NTM: variants seen among roughly 807,000 people sequenced by gnomAD.
NTM encodes the protein IgLON family member 2.
Under a neutral mutation model 42.1 loss-of-function variants are expected in NTM, and 13 were observed. That is an observed-to-expected ratio of 0.31 (90% confidence interval 0.20 to 0.49). The LOEUF (loss-of-function observed/expected upper bound fraction) is 0.49. Among genes scored for constraint, NTM ranks in the 20% least tolerant of loss-of-function variants. NTM has a pLI of 0.99. For missense variants in NTM, 373 were observed against 452.8 expected (o/e 0.82, Z 1.60); for synonymous variants, 187 against 179.2 (o/e 1.04, Z -0.35).
chr11:131,619,595 A>G (rs1283350193), intron 1 of NTM, among the ~76,000 whole-genome samples: 2 of 152,214 alleles, frequency 1.3e-5, no homozygotes, highest in Non-Finnish European at 2.9e-5. Flanking sequence ...TTGGCAACAG[A>G]CAGAACACAC....
At chr11:132,042,411 A>G (rs1480630386) in intron 2 of NTM, among the ~76,000 whole-genome samples, 1 of 152,188 alleles carries the variant, frequency 6.6e-6, no homozygotes, top group Non-Finnish European at 1.5e-5. Context: ...CTGAAGAGGA[A>G]AAATTTGACC....
intron 1 of NTM, among the ~76,000 whole-genome samples, chr11:131,871,758 C>A (rs2047808971): frequency 6.6e-6 from 1 of 152,122 alleles, no homozygotes; most frequent in Non-Finnish European, 1.5e-5. Context: ...TGTAGGCCAC[C>A]CTGCCCTGGG....
At chr11:131,886,708 C>T (rs549072806) in intron 1 of NTM, among the ~76,000 whole-genome samples, 34 of 152,210 alleles carry the variant, frequency 2.2e-4, no homozygotes, top group Non-Finnish European at 2.9e-4. Context: ...CTTGAGGGAG[C>T]TTTCCTACAA....
chr11:132,203,877 C>A (rs574517256), intron 3 of NTM, among the ~76,000 whole-genome samples: 71 of 151,788 alleles, frequency 4.7e-4, no homozygotes, highest in African/African-American at 1.7e-3. Flanking sequence ...CCAGCCTGAG[C>A]AATAGAATGA....
At chr11:131,853,022 C>T (rs190317867) in intron 1 of NTM, among the ~76,000 whole-genome samples, 44 of 151,866 alleles carry the variant, frequency 2.9e-4, no homozygotes, top group Admixed American at 1.7e-3. Flanking sequence ...TTTATTCTCC[C>T]ACGCACCCAT....
At chr11:132,115,200 T>C (rs559341902) in intron 2 of NTM, among the ~76,000 whole-genome samples, 5 of 152,208 alleles carry the variant, frequency 3.3e-5, no homozygotes, top group African/African-American at 9.6e-5. Flanking sequence ...TTCAGTTACG[T>C]AGGGTAATTC....
chr11:131,551,316 A>G (rs1190568596), intron 1 of NTM, among the ~76,000 whole-genome samples: 1 of 152,194 alleles, frequency 6.6e-6, no homozygotes, highest in African/African-American at 2.4e-5. Context: ...CTTCTCAGGT[A>G]GCCAAGAGAA....
At chr11:131,492,320 T>C (rs767081452) in intron 1 of NTM, among the ~76,000 whole-genome samples, 35 of 139,270 alleles carry the variant, frequency 2.5e-4, no homozygotes, top group Non-Finnish European at 2.5e-4. Flanking sequence ...CAGCTATCAG[T>C]GGTGGTATTA....
intron 1 of NTM, among the ~76,000 whole-genome samples, chr11:131,811,984 A>T (rs1417996975): frequency 6.6e-6 from 1 of 152,184 alleles, no homozygotes; most frequent in Non-Finnish European, 1.5e-5. Context: ...GCTGGTATGA[A>T]ATTCAGTTGT....
At chr11:131,745,541 T>C (rs980286940) in intron 1 of NTM, among the ~76,000 whole-genome samples, 3 of 152,178 alleles carry the variant, frequency 2.0e-5, no homozygotes, top group Admixed American at 6.5e-5. Flanking sequence ...TTCCTTGGTT[T>C]CCGAATTACT....
chr11:131,523,200 T>A (rs1208476678), intron 1 of NTM, among the ~76,000 whole-genome samples: 1 of 152,168 alleles, frequency 6.6e-6, no homozygotes, highest in African/African-American at 2.4e-5. Context: ...TCTAGAAAGA[T>A]ATTTGTTGAA....
chr11:132,195,053 C>A lies in NTM; in HGVS notation c.401-16969C>A, dbSNP rs562454132. Among the ~76,000 whole-genome samples, 14 of 152,016 alleles carry A rather than the reference C, an allele frequency of 9.2e-5. No individual in the cohort carries two copies. The South Asian group carries it at 2.9e-3, about 32-fold the overall frequency. ...GGCCAGGTTGGTCTCGAACTCCTAA[C>A]CTCAAGTGATCTGTCTGCCTCGGCC... is the stretch of plus-strand genomic sequence containing the variant. On this transcript the variant is annotated intron_variant, in intron 3 of 8. Coordinates refer to ENST00000683400, the MANE Select transcript of NTM (RefSeq NM_001352005.2).
At chr11:131,658,832 A>G (rs2067566188) in intron 1 of NTM, among the ~76,000 whole-genome samples, 1 of 152,142 alleles carries the variant, frequency 6.6e-6, no homozygotes, top group Non-Finnish European at 1.5e-5. Flanking sequence ...TTAGCTGGGC[A>G]TGGTGGCAGG....
chr11:131,498,697 G>A (rs1351579369), intron 1 of NTM, among the ~76,000 whole-genome samples: 2 of 152,172 alleles, frequency 1.3e-5, no homozygotes, highest in Non-Finnish European at 2.9e-5. Context: ...CTGGAATGGT[G>A]GCCTCTGGGC....
chr11:131,994,075 G>A (rs976760603), intron 2 of NTM, among the ~76,000 whole-genome samples: 1 of 151,852 alleles, frequency 6.6e-6, no homozygotes, highest in Non-Finnish European at 1.5e-5. Flanking sequence ...AATCAAGGGA[G>A]CTCGTGTCTC....
intron 2 of NTM, among the ~76,000 whole-genome samples, chr11:131,926,386 CAG>C (rs1010177552): frequency 5.3e-5 from 8 of 152,026 alleles, no homozygotes; most frequent in African/African-American, 1.9e-4. Context: ...GGTTAGGGGA[CAG>C]AGTAACCTGG....
chr11:131,884,169 G>A (rs2049991049), intron 1 of NTM, among the ~76,000 whole-genome samples: 2 of 152,186 alleles, frequency 1.3e-5, no homozygotes. Context: ...CAGCACTTTG[G>A]GAGGCTGAGG....
At chr11:131,812,997 GACA>G (rs2092801733) in intron 1 of NTM, among the ~76,000 whole-genome samples, 3 of 152,174 alleles carry the variant, frequency 2.0e-5, no homozygotes. Flanking sequence ...TGGTTTTTAT[GACA>G]ACGTTTCAGT....
chr11:131,487,154 C>T (rs536980581), intron 1 of NTM, among the ~76,000 whole-genome samples: 1 of 152,164 alleles, frequency 6.6e-6, no homozygotes, highest in Non-Finnish European at 1.5e-5. Context: ...CATCCCTGGG[C>T]CCCTGGAAGC....
Sources: allele counts gnomAD v4.1 joint callset (sites outside exome capture counted in the v4.1 genomes callset), GRCh38; gene constraint gnomAD v4.1.1; transcripts MANE v1.5; gene names NCBI Gene and HGNC (gene_info 2026-07-23, HGNC 2026-07-21).